NARS2: variants seen among roughly 807,000 people sequenced by gnomAD.
NARS2 encodes asparaginyl-tRNA synthetase.
In NARS2, 60 loss-of-function variants were observed where a neutral mutation model predicts 62.9. The ratio of observed to expected loss-of-function variants is 0.95; its 90% CI spans 0.77 to 1.18. The LOEUF (loss-of-function observed/expected upper bound fraction) is 1.18. Among genes scored for constraint, NARS2 ranks in the 50% most tolerant of loss-of-function variants. The pLI is 0.00. For missense variants in NARS2, 619 were observed against 576.4 expected (o/e 1.07, Z -0.76); for synonymous variants, 196 against 200.0 (o/e 0.98, Z 0.17).
At chr11:78,459,795 G>A (rs10899510) in intron 11 of NARS2, among the ~76,000 whole-genome samples, 32,588 of 152,122 alleles carry the variant, frequency 0.21, 3,867 homozygotes, top group East Asian at 0.42. Flanking sequence ...TTGACATAGA[G>A]GAAAGTGTCA....
intron 3 of NARS2, 73 bp downstream of exon 3, chr11:78,568,559 T>C (rs940815823): frequency 4.1e-6 from 6 of 1,470,438 alleles, no homozygotes; most frequent in Non-Finnish European, 5.5e-6. Context: ...ATCTTCCTAA[T>C]AATCACACTT....
chr11:78,517,752 G>A (rs1213585654), intron 6 of NARS2, among the ~76,000 whole-genome samples: 2 of 152,114 alleles, frequency 1.3e-5, no homozygotes, highest in African/African-American at 4.8e-5. Flanking sequence ...CTTGCTGATC[G>A]ATCTGCCATA....
At chr11:78,460,102 G>A (rs1441976728) in intron 11 of NARS2, among the ~76,000 whole-genome samples, 1 of 152,144 alleles carries the variant, frequency 6.6e-6, no homozygotes, top group Non-Finnish European at 1.5e-5. Context: ...GAAGAAGGGT[G>A]GTGATAGGAG....
Position 78,469,233 on chromosome 11 carries a change from A to G in NARS2, c.1026+14T>C. On this transcript the variant is annotated intron_variant, in intron 10 of 13. Transcript: ENST00000281038. The stretch of plus-strand genomic sequence containing the variant: ...TTTTCACACACACATATATACATAC[A>G]CACAAAATACTACCTCTGGGGTAAA... 1 of 1,575,372 alleles carries G rather than the reference A, an allele frequency of 6.3e-7. No homozygotes were observed. Among genetic ancestry groups the G allele is most frequent in the South Asian group, 1.1e-5 (1 of 90,248 alleles).
In NARS2 at chr11:78,495,447, T is replaced by C. The variant is rs117371472; in HGVS notation, c.690-2252A>G. ...TTTATTGCTCCCTCTCGTATATTAC[T>C]ATAACACTTTTTCATATTTATTATA... On this transcript the variant is annotated intron_variant, in intron 6 of 13. Coordinates refer to ENST00000281038, the MANE Select transcript of NARS2 (RefSeq NM_024678.6). 6.6e-5 allele frequency among the ~76,000 whole-genome samples: 10 copies of C among 152,304 alleles called. No individual in the cohort carries two copies. In the East Asian group the frequency reaches 1.9e-3, roughly 29 times the overall value.
chr11:78,545,265 CAA>C (rs1433139676), intron 5 of NARS2, among the ~76,000 whole-genome samples: 2 of 151,972 alleles, frequency 1.3e-5, no homozygotes, highest in African/African-American at 4.8e-5. Flanking sequence ...TTCTTTTTTA[CAA>C]AAGTGTTACA....
At chr11:78,543,882 T>C (rs1855731582) in intron 5 of NARS2, among the ~76,000 whole-genome samples, 1 of 151,812 alleles carries the variant, frequency 6.6e-6, no homozygotes, top group African/African-American at 2.4e-5. Flanking sequence ...ACTACAAAAA[T>C]TAGCTGGGCG....
At chr11:78,509,882 T>C (rs532507516) in intron 6 of NARS2, among the ~76,000 whole-genome samples, 1 of 151,596 alleles carries the variant, frequency 6.6e-6, no homozygotes, top group African/African-American at 2.4e-5. Flanking sequence ...AGTTTTTGTA[T>C]GTTACTGAAG....
chr11:78,477,712 G>A (rs1182824757), intron 9 of NARS2, among the ~76,000 whole-genome samples: 1 of 152,110 alleles, frequency 6.6e-6, no homozygotes, highest in Non-Finnish European at 1.5e-5. Context: ...TAATGTGGGT[G>A]GGCTAAATCC....
intron 4 of NARS2, among the ~76,000 whole-genome samples, 153 bp from the exon 5 acceptor site, chr11:78,559,772 G>A (rs1395409217): frequency 1.3e-5 from 2 of 152,186 alleles, no homozygotes; most frequent in African/African-American, 2.4e-5. Flanking sequence ...AAAATCAGTT[G>A]AGTGTTTTAA....
At chr11:78,458,691 C>T (rs773715392) in intron 11 of NARS2, among the ~76,000 whole-genome samples, 27 of 152,190 alleles carry the variant, frequency 1.8e-4, no homozygotes, top group Non-Finnish European at 2.6e-4. Flanking sequence ...ATCCACCACA[C>T]GGATACTAGG....
chr11:78,444,727 C>CAAAGAAAAAAA (rs56788561), intron 11 of NARS2, among the ~76,000 whole-genome samples: 1,158 of 92,320 alleles, frequency 0.013, 29 homozygotes, highest in Non-Finnish European at 0.016. Context: ...TCAAACAAAA[C>CAAAGAAAAAAA]AAAAAAAAAA....
chr11:78,496,852 G>C (rs1393420894), intron 6 of NARS2, among the ~76,000 whole-genome samples: 1 of 152,060 alleles, frequency 6.6e-6, no homozygotes, highest in Non-Finnish European at 1.5e-5. Flanking sequence ...ACTGTCTTTT[G>C]CAATAATTTT....
intron 5 of NARS2, among the ~76,000 whole-genome samples, chr11:78,535,962 C>A (rs928140697): frequency 6.6e-6 from 1 of 151,782 alleles, no homozygotes; most frequent in African/African-American, 2.4e-5. Context: ...ACTCATTTTC[C>A]CTTAAAGAAA....
rs1002219321 is a variant in NARS2, at chr11:78,516,404, C to T, written c.689+12438G>A. 3.3e-5 allele frequency among the ~76,000 whole-genome samples: 5 copies of T among 152,182 alleles called. No individual in the cohort carries two copies. The East Asian group carries it at 5.8e-4, about 18-fold the overall frequency. On this transcript the variant is annotated intron_variant, in intron 6 of 13. Transcript: ENST00000281038. Reference sequence around the variant, plus strand: ...TGAATGACATTTAAAAATGCACTTCCGTGTAATCACTCTACTGATAAGGTT... The same window carrying T: ...TGAATGACATTTAAAAATGCACTTCTGTGTAATCACTCTACTGATAAGGTT...
At chr11:78,445,737 G>T (rs146512517) in intron 11 of NARS2, among the ~76,000 whole-genome samples, 1 of 152,070 alleles carries the variant, frequency 6.6e-6, no homozygotes, top group Non-Finnish European at 1.5e-5. Flanking sequence ...ACTGCTTGAG[G>T]CCAGGAATTT....
intron 7 of NARS2, among the ~76,000 whole-genome samples, chr11:78,489,608 C>T (rs945287361): frequency 2.6e-5 from 4 of 152,138 alleles, no homozygotes; most frequent in African/African-American, 9.7e-5. Context: ...TCCATAATGG[C>T]AGGGAGTGGG....
intron 11 of NARS2, among the ~76,000 whole-genome samples, chr11:78,456,787 C>A (rs1158024557): frequency 6.6e-6 from 1 of 152,184 alleles, no homozygotes; most frequent in Admixed American, 6.5e-5. Flanking sequence ...AAGCCACTCC[C>A]CCAGCTGAAC....
chr11:78,549,395 C>T (rs1856006872), intron 5 of NARS2, among the ~76,000 whole-genome samples: 1 of 152,304 alleles, frequency 6.6e-6, no homozygotes, highest in Non-Finnish European at 1.5e-5. Context: ...AACAGAGCTC[C>T]AAATCTTTAC....
Sources: gnomAD v4.1 joint callset for allele counts (sites outside exome capture counted in the v4.1 genomes callset) on GRCh38, gnomAD v4.1.1 for gene constraint, MANE v1.5 for transcripts, NCBI Gene and HGNC (gene_info 2026-07-23, HGNC 2026-07-21) for gene names.